Variants in MBD5 observed in about 807,000 individuals in gnomAD.
MBD5 encodes methyl-CpG-binding domain protein 5.
In MBD5, 13 loss-of-function variants were observed where a neutral mutation model predicts 117.3. That is an observed-to-expected ratio of 0.11 (90% confidence interval 0.07 to 0.18). MBD5 has a LOEUF of 0.18. Among genes scored for constraint, MBD5 ranks in the 10% least tolerant of loss-of-function variants. The pLI, the probability that MBD5 is intolerant of heterozygous loss-of-function variation, is 1.00. For missense variants in MBD5, 1,879 were observed against 2,093.8 expected (o/e 0.90, Z 2.00); for synonymous variants, 727 against 766.4 (o/e 0.95, Z 0.85).
intron 11 of MBD5, among the ~76,000 whole-genome samples, chr2:148,498,818 A>G (rs1376055371): frequency 6.6e-6 from 1 of 152,248 alleles, no homozygotes; most frequent in Non-Finnish European, 1.5e-5. Context: ...CCTTCTGAAC[A>G]AAATAAGCAA....
At chr2:148,180,705 T>A (rs2105852757) in intron 2 of MBD5, among the ~76,000 whole-genome samples, 1 of 152,130 alleles carries the variant, frequency 6.6e-6, no homozygotes, top group East Asian at 1.9e-4. Flanking sequence ...ATCTTTTTTT[T>A]AAAAGACCTT....
At chr2:148,213,142 T>C (rs899712323) in intron 2 of MBD5, among the ~76,000 whole-genome samples, 1 of 152,200 alleles carries the variant, frequency 6.6e-6, no homozygotes, top group Non-Finnish European at 1.5e-5. Context: ...AGAGTTGTAC[T>C]CATCTCTTAG....
rs532276990 is a variant in MBD5 at position 148,226,992 on chromosome 2, A to C, written c.-830-6253A>C. The stretch of plus-strand genomic sequence containing the variant: ...TTTTTCTTGTAAATTTGTTTGAGTT[A>C]ATTGTAGATTCTGGATATTAGCCCT... On this transcript the variant is annotated intron_variant, in intron 2 of 13. Transcript: ENST00000642680. Among the ~76,000 whole-genome samples the C allele has an allele frequency of 2.7e-3, 413 of 152,006 alleles. 1 individual carries two copies. The highest frequency in any genetic ancestry group is 6.2e-3 in the African/African-American group (258 of 41,454).
intron 3 of MBD5, among the ~76,000 whole-genome samples, chr2:148,302,796 AT>A (rs58713890): frequency 3.3e-5 from 5 of 149,418 alleles, no homozygotes; most frequent in South Asian, 2.1e-4. Context: ...TACCTGGCTA[AT>A]TTTTTTTTTA....
chr2:148,201,606 C>T (rs376434403), intron 2 of MBD5, among the ~76,000 whole-genome samples: 63 of 152,224 alleles, frequency 4.1e-4, no homozygotes, highest in African/African-American at 4.8e-4. Context: ...TCTGTGTACC[C>T]GCGTTCAGTC....
chr2:148,132,204 G>C (rs1697064906), intron 1 of MBD5, among the ~76,000 whole-genome samples: 1 of 151,884 alleles, frequency 6.6e-6, no homozygotes, highest in South Asian at 2.1e-4. Flanking sequence ...ACTATTGTTA[G>C]AGGATTACAA....
chr2:148,036,730 C>G (rs1482661148), intron 1 of MBD5, among the ~76,000 whole-genome samples: 1 of 151,980 alleles, frequency 6.6e-6, no homozygotes, highest in Non-Finnish European at 1.5e-5. Flanking sequence ...TATTTCATTT[C>G]TATTAAGTGA....
chr2:148,200,449 T>G (rs1699106391), intron 2 of MBD5, among the ~76,000 whole-genome samples: 1 of 152,128 alleles, frequency 6.6e-6, no homozygotes, highest in Non-Finnish European at 1.5e-5. Context: ...CCCAGCACTT[T>G]GGGAGCCCCA....
intron 1 of MBD5, chr2:148,062,332 A>T (rs1695058723): frequency 6.6e-6 from 1 of 151,898 alleles, no homozygotes; most frequent in Non-Finnish European, 1.5e-5. Flanking sequence ...TTCTACTTTC[A>T]AAACAGTTAT....
intron 8 of MBD5, among the ~76,000 whole-genome samples, chr2:148,480,579 A>G (rs1574473474): frequency 6.6e-6 from 1 of 152,204 alleles, no homozygotes; most frequent in East Asian, 1.9e-4. Context: ...AATATTTGTA[A>G]AGGTTTAATA....
intron 2 of MBD5, among the ~76,000 whole-genome samples, chr2:148,189,185 C>G (rs1292602143): frequency 6.8e-6 from 1 of 147,256 alleles, no homozygotes; most frequent in African/African-American, 2.6e-5. Flanking sequence ...GGGGGAGGGG[C>G]GCCCGCCATT....
Position 148,489,336 on chromosome 2 carries a change from C to T in MBD5, c.3754-50C>T, listed in dbSNP as rs1425078834. On this transcript the variant is annotated intron_variant, in intron 10 of 13. Transcript: ENST00000642680. ...AAAATTATAGTCTTTCTCTTTGAGG[C>T]CTCAAAATTATTTCCCTTTCTCTCA... 3 of 1,608,072 alleles carry T rather than the reference C, an allele frequency of 1.9e-6. No homozygotes were observed. In the South Asian group the frequency reaches 3.3e-5, roughly 18 times the overall value.
intron 1 of MBD5, among the ~76,000 whole-genome samples, chr2:148,060,194 A>T (rs1553468205): frequency 7.5e-6 from 1 of 133,632 alleles, no homozygotes; most frequent in Admixed American, 8.5e-5. Flanking sequence ...CTATAGTCCC[A>T]GATATTTGGG....
chr2:148,054,618 A>T (rs1305971843), intron 1 of MBD5: 1 of 152,214 alleles, frequency 6.6e-6, no homozygotes, highest in Non-Finnish European at 1.5e-5. Flanking sequence ...ATCCAAGTAC[A>T]TGATCACTTT....
chr2:148,430,569 TG>T (rs1293487059), intron 4 of MBD5, among the ~76,000 whole-genome samples: 1 of 152,162 alleles, frequency 6.6e-6, no homozygotes, highest in East Asian at 1.9e-4. Flanking sequence ...TTTTGAGAAA[TG>T]TTTGCAGACT....
At position 148,458,487 on chromosome 2, in the gene MBD5, T is replaced by C. The variant is rs1706953735; in HGVS notation, c.-272T>C. On this transcript the variant is annotated 5_prime_UTR_variant, in exon 5 of 14. Transcript: ENST00000642680. ...AGCATTGGTGAATTATGATTTTCCT[T>C]AGTCAGAAGCACTCATTTTTACCCA... The C allele has an allele frequency of 1.7e-6, 1 of 581,662 alleles. No individual in the cohort carries two copies. The highest frequency in any genetic ancestry group is 2.3e-5 in the South Asian group (1 of 44,308). 36.0% of individuals were successfully genotyped at this position (581,662 alleles called of 1,614,324 possible).
At chr2:148,078,384 A>G (rs879456807) in intron 1 of MBD5, among the ~76,000 whole-genome samples, 55 of 152,092 alleles carry the variant, frequency 3.6e-4, no homozygotes, top group African/African-American at 1.3e-3. Context: ...CTTGTATGTC[A>G]GATTGACAAA....
chr2:148,230,406 T>C (rs1669714015), intron 2 of MBD5, among the ~76,000 whole-genome samples: 1 of 151,366 alleles, frequency 6.6e-6, no homozygotes, highest in South Asian at 2.1e-4. Flanking sequence ...TCAGCTTGTG[T>C]TGCATGCTGC....
rs373541874 is a variant in MBD5 at position 148,293,626 on chromosome 2, T to C, written c.-679-48588T>C. Reference sequence around the variant, plus strand: ...CTGTGTGCCTTTTATTTCATTTTCTTGTCTAGTTTCCTTGGCTAGAACTTC... The same window carrying C: ...CTGTGTGCCTTTTATTTCATTTTCTCGTCTAGTTTCCTTGGCTAGAACTTC... On this transcript the variant is annotated intron_variant, in intron 3 of 13. Transcript: ENST00000642680. Among the ~76,000 whole-genome samples the C allele has an allele frequency of 4.6e-5, 7 of 152,352 alleles. No individual in the cohort carries two copies. The East Asian group carries it at 1.3e-3, about 29-fold the overall frequency.
Sources: gnomAD v4.1 joint callset for allele counts (sites outside exome capture counted in the v4.1 genomes callset) on GRCh38, gnomAD v4.1.1 for gene constraint, MANE v1.5 for transcripts, NCBI Gene and HGNC (gene_info 2026-07-23, HGNC 2026-07-21) for gene names.